PCDHA2: variants seen among roughly 807,000 people sequenced by gnomAD.
The protein encoded by PCDHA2 is protocadherin alpha 2.
A neutral mutation model predicts 66.0 loss-of-function variants in PCDHA2; 58 were observed. The observed-to-expected ratio is 0.88, with a 90% CI of 0.71 to 1.09. The LOEUF (loss-of-function observed/expected upper bound fraction) is 1.09. Among genes scored for constraint, PCDHA2 ranks in the 50% least tolerant of loss-of-function variants. The pLI, the probability that PCDHA2 is intolerant of heterozygous loss-of-function variation, is 0.00. For synonymous variants in PCDHA2, 634 were observed against 554.0 expected (o/e 1.14, Z -2.03); for missense variants, 1,267 against 1,242.3 (o/e 1.02, Z -0.30).
intron 1 of PCDHA2, chr5:140,876,193 G>A: frequency 6.2e-7 from 1 of 1,613,950 alleles, no homozygotes; most frequent in Non-Finnish European, 8.5e-7. Flanking sequence ...CAATGGTCCG[G>A]CGTTTGATAA....
intron 1 of PCDHA2, chr5:140,870,967 C>T (rs782808360): frequency 1.9e-6 from 3 of 1,613,648 alleles, no homozygotes; most frequent in Admixed American, 1.7e-5. Context: ...CATCCCGTTC[C>T]GCGTGGGGCT....
chr5:140,979,303 C>T (rs1048294748), intron 2 of PCDHA2, among the ~76,000 whole-genome samples: 5 of 152,148 alleles, frequency 3.3e-5, no homozygotes, highest in East Asian at 3.8e-4. Context: ...CTCCTTCATC[C>T]CTCTCTACCT....
rs782602329 is a variant in PCDHA2, at chr5:140,796,302, C to T, written c.1338C>T (p.Ala446=). 7 of 1,614,146 alleles carry T rather than the reference C, an allele frequency of 4.3e-6. No individual in the cohort carries two copies. The highest frequency in any genetic ancestry group is 5.9e-6 in the Non-Finnish European group (7 of 1,180,042). The part of the protein sequence containing the change: ...WATTSVSIEV[A]DVNDNAPAFA... ...CCACCAGCGTGTCCATCGAGGTGGC[C>T]GACGTGAACGACAACGCGCCGGCGT... The change falls in exon 1 of 4, where the codon GCC becomes GCT. Residue 446 remains alanine (A), a synonymous_variant. Coordinates refer to ENST00000526136, the MANE Select transcript of PCDHA2 (RefSeq NM_018905.3).
chr5:140,831,224 A>C (rs2150192658), intron 1 of PCDHA2: 1 of 152,206 alleles, frequency 6.6e-6, no homozygotes. Flanking sequence ...TGAAAACTGC[A>C]TTCCTCTGGC....
intron 3 of PCDHA2, among the ~76,000 whole-genome samples, chr5:140,989,670 C>G (rs907417768): frequency 6.6e-6 from 1 of 152,104 alleles, no homozygotes. Flanking sequence ...GAAACTCTGC[C>G]CAGATTTCAA....
chr5:140,877,698 C>T, intron 1 of PCDHA2: 2 of 1,613,958 alleles, frequency 1.2e-6, no homozygotes, highest in Non-Finnish European at 1.7e-6. Context: ...TGGTGTGCTC[C>T]AGCGCCGTGG....
At chr5:140,823,068 G>A (rs2150121914) in intron 1 of PCDHA2, 2 of 1,613,914 alleles carry the variant, frequency 1.2e-6, no homozygotes, top group Non-Finnish European at 1.7e-6. Flanking sequence ...ACGGGGGCTC[G>A]CCTTCGCTGT....
chr5:141,010,205 G>A lies in PCDHA2; in HGVS notation c.*268G>A, dbSNP rs1554262753. On this transcript the variant is annotated 3_prime_UTR_variant, in exon 4 of 4. Transcript: ENST00000526136. ...ACCCAAGTTTCCTTTCTCCTCCGCC[G>A]CAAAGGAGAGGCTTCCCAGCCCCGC... 4 of 1,551,732 alleles carry A rather than the reference G, an allele frequency of 2.6e-6. No homozygotes were observed. Among genetic ancestry groups the A allele is most frequent in the African/African-American group, 1.4e-5 (1 of 73,014 alleles).
chr5:140,819,116 C>T (rs1487263902), intron 1 of PCDHA2, among the ~76,000 whole-genome samples: 5 of 152,140 alleles, frequency 3.3e-5, no homozygotes, highest in African/African-American at 1.2e-4. Context: ...GGTATCCTTT[C>T]TTACTATCCT....
intron 1 of PCDHA2, chr5:140,824,245 C>A: frequency 1.4e-6 from 2 of 1,462,164 alleles, no homozygotes; most frequent in Non-Finnish European, 9.5e-7. Flanking sequence ...TATTGTGGTA[C>A]ACAATTATTG....
intron 1 of PCDHA2, chr5:140,807,240 T>C: frequency 6.2e-7 from 1 of 1,614,082 alleles, no homozygotes; most frequent in Non-Finnish European, 8.5e-7. Flanking sequence ...CTGCTCTTAC[T>C]TCTTCTCCTC....
chr5:140,917,999 A>T (rs1292582356), intron 1 of PCDHA2, among the ~76,000 whole-genome samples: 2 of 152,162 alleles, frequency 1.3e-5, no homozygotes, highest in African/African-American at 4.8e-5. Context: ...GGTTATCTTA[A>T]CAATGTTGTT....
intron 1 of PCDHA2, chr5:140,836,228 G>A (rs2150255962): frequency 1.2e-6 from 2 of 1,613,770 alleles, no homozygotes; most frequent in Admixed American, 1.7e-5. Context: ...AACCGGTGGC[G>A]GCCGGTGCGA....
At chr5:140,909,927 TCA>T (rs781847647) in intron 1 of PCDHA2, among the ~76,000 whole-genome samples, 6 of 152,150 alleles carry the variant, frequency 3.9e-5, no homozygotes, top group African/African-American at 9.7e-5. Flanking sequence ...CTTTCCCCAA[TCA>T]CAGTTACTCT....
intron 1 of PCDHA2, among the ~76,000 whole-genome samples, chr5:140,931,244 T>C (rs1161128281): frequency 6.6e-6 from 1 of 152,168 alleles, no homozygotes; most frequent in Non-Finnish European, 1.5e-5. Context: ...ACACTTTTCC[T>C]ACCAAGAAAT....
chr5:140,980,229 T>C (rs2096881022), intron 2 of PCDHA2, among the ~76,000 whole-genome samples: 1 of 152,232 alleles, frequency 6.6e-6, no homozygotes, highest in South Asian at 2.1e-4. Flanking sequence ...TCTGAGCTGT[T>C]GGTGGAGACA....
intron 1 of PCDHA2, chr5:140,866,616 C>G (rs1470168934): frequency 6.6e-6 from 1 of 152,048 alleles, no homozygotes; most frequent in Non-Finnish European, 1.5e-5. Context: ...TGGAGAACCT[C>G]CTGGGGTTCT....
At position 140,815,675 on chromosome 5, in the gene PCDHA2, T is replaced by G. The variant is rs2126666284; in HGVS notation, c.2388+18323T>G. ...ATATATTTATCTTTACTAGTGAGCT[T>G]TATACTTTAATAAAATACCTATGTA... On this transcript the variant is annotated intron_variant, in intron 1 of 3. Coordinates refer to ENST00000526136, the MANE Select transcript of PCDHA2 (RefSeq NM_018905.3). 3 of 152,278 alleles carry G rather than the reference T, an allele frequency of 2.0e-5. No homozygotes were observed. In the South Asian group the frequency reaches 6.2e-4, roughly 32 times the overall value. The allele number at this position is 152,278 out of a possible 1,614,324, so 9.4% of individuals were successfully genotyped here. A position where few individuals can be genotyped will look rare whatever the true frequency, so the allele number is the denominator to read the frequency against.
chr5:140,920,029 T>G (rs1584162393), intron 1 of PCDHA2, among the ~76,000 whole-genome samples: 1 of 152,118 alleles, frequency 6.6e-6, no homozygotes, highest in African/African-American at 2.4e-5. Flanking sequence ...GAGACAGAGA[T>G]TGGAGTGATG....
Sources: allele counts gnomAD v4.1 joint callset (sites outside exome capture counted in the v4.1 genomes callset), GRCh38; gene constraint gnomAD v4.1.1; transcripts MANE v1.5; gene names NCBI Gene and HGNC (gene_info 2026-07-23, HGNC 2026-07-21).